Variants in PSPH observed in about 807,000 individuals in gnomAD.
The protein encoded by PSPH is L-3-phosphoserine phosphatase.
PSPH carries 16 observed loss-of-function variants against 23.4 expected under a neutral mutation model. The ratio of observed to expected loss-of-function variants is 0.68; its 90% CI spans 0.46 to 1.04. The LOEUF (loss-of-function observed/expected upper bound fraction) is 1.04, where lower values mean the gene tolerates loss of function less well. Ranked by LOEUF, PSPH falls within the 50% of genes least tolerant of loss-of-function variation. The probability of loss-of-function intolerance (pLI) is 0.00; values close to 1 mark genes in which losing one functional copy is unlikely to be tolerated. For synonymous variants in PSPH, 68 were observed against 99.7 expected, an observed-to-expected ratio of 0.68 and a Z score of 1.89; for missense variants, 223 against 273.7, an observed-to-expected ratio of 0.81 and a Z score of 1.31.
intron 1 of PSPH, among the ~76,000 whole-genome samples, chr7:56,048,452 T>C (rs1236900153): frequency 6.6e-6 from 1 of 152,154 alleles, no homozygotes; most frequent in African/African-American, 2.4e-5. Context: ...ATGTGAAATG[T>C]AATTTTGGAT....
chr7:56,018,388 G>A (rs60566397), intron 5 of PSPH, among the ~76,000 whole-genome samples: 44,638 of 151,782 alleles, frequency 0.29, 6,604 homozygotes, highest in East Asian at 0.43. Context: ...GGGTTTGTCT[G>A]CTTTAGGAAA....
intron 1 of PSPH, among the ~76,000 whole-genome samples, chr7:56,041,115 A>G (rs1792471045): frequency 6.6e-6 from 1 of 152,028 alleles, no homozygotes; most frequent in Admixed American, 6.6e-5. Flanking sequence ...TGTAATCCAA[A>G]CACTTTGGGA....
At chr7:56,042,070 A>G (rs1388238378) in intron 1 of PSPH, among the ~76,000 whole-genome samples, 3 of 152,018 alleles carry the variant, frequency 2.0e-5, no homozygotes, top group African/African-American at 4.8e-5. Flanking sequence ...TAAAACTACA[A>G]AAATTACCAG....
intron 3 of PSPH, among the ~76,000 whole-genome samples, chr7:56,022,720 A>G (rs977411936): frequency 2.0e-5 from 3 of 152,174 alleles, no homozygotes; most frequent in African/African-American, 4.8e-5. Flanking sequence ...AACATACACA[A>G]TGTCGCCAAT....
At chr7:56,048,731 T>C (rs1392273270) in intron 1 of PSPH, among the ~76,000 whole-genome samples, 1 of 151,734 alleles carries the variant, frequency 6.6e-6, no homozygotes, top group Non-Finnish European at 1.5e-5. Context: ...GCCTCCTGGG[T>C]TCAAGCAATT....
chr7:56,039,458 A>G (rs141310791), intron 1 of PSPH, among the ~76,000 whole-genome samples: 1 of 152,172 alleles, frequency 6.6e-6, no homozygotes, highest in Non-Finnish European at 1.5e-5. Context: ...AACAATTGTA[A>G]TATTTCTTAT....
chr7:56,044,578 A>C (rs1022460998), intron 1 of PSPH, among the ~76,000 whole-genome samples: 4 of 152,216 alleles, frequency 2.6e-5, no homozygotes, highest in African/African-American at 9.6e-5. Context: ...AATAATATTA[A>C]GAAAAACAAT....
At chr7:56,043,867 T>C (rs1377577000) in intron 1 of PSPH, among the ~76,000 whole-genome samples, 2 of 152,286 alleles carry the variant, frequency 1.3e-5, no homozygotes, top group African/African-American at 4.8e-5. Flanking sequence ...AGCGATTTTT[T>C]TGTTTTAAAA....
chr7:56,019,738 G>A lies in PSPH; in HGVS notation c.141-4C>T, dbSNP rs1216432787. Reference sequence around the variant, plus strand: ...CCCGCCCATGGCTCGCCGTGTCCTAGGAGGGAGACCCAACAGTCAGGCCAG... The same window carrying A: ...CCCGCCCATGGCTCGCCGTGTCCTAAGAGGGAGACCCAACAGTCAGGCCAG... On this transcript the variant is annotated splice_polypyrimidine_tract_variant and splice_region_variant and intron_variant, in intron 4 of 7. Coordinates refer to ENST00000275605, the MANE Select transcript of PSPH (RefSeq NM_004577.4). 6.2e-7 allele frequency: 1 copy of A among 1,612,784 alleles called. No individual in the cohort carries two copies. Among genetic ancestry groups the A allele is most frequent in the Non-Finnish European group, 8.5e-7 (1 of 1,179,818 alleles).
At chr7:56,050,283 T>C (rs1457079676) in intron 1 of PSPH, among the ~76,000 whole-genome samples, 2 of 152,036 alleles carry the variant, frequency 1.3e-5, no homozygotes, top group East Asian at 3.9e-4. Flanking sequence ...GTCATTCTTT[T>C]TGAGAAAGGG....
chr7:56,051,433 G>T lies in PSPH; in HGVS notation c.-587C>A, dbSNP rs1794027226. The T allele has an allele frequency of 4.2e-6, 1 of 235,362 alleles. No homozygotes were observed. The highest frequency in any genetic ancestry group is 2.4e-5 in the African/African-American group (1 of 42,058). 14.6% of individuals were successfully genotyped at this position (235,362 alleles called of 1,614,324 possible). On this transcript the variant is annotated 5_prime_UTR_variant, in exon 1 of 8. Transcript: ENST00000275605. Reference sequence around the variant, plus strand: ...AGGGCACCGTCGAGCACACGGTCCGGGAAGCTCCAATGAAACGGAACAAAC... The same window carrying T: ...AGGGCACCGTCGAGCACACGGTCCGTGAAGCTCCAATGAAACGGAACAAAC...
chr7:56,024,207 G>A (rs1468597624), intron 3 of PSPH, among the ~76,000 whole-genome samples: 3 of 151,540 alleles, frequency 2.0e-5, no homozygotes, highest in Non-Finnish European at 4.4e-5. Flanking sequence ...GAGCCACCGC[G>A]CCCGGCCTAC....
intron 2 of PSPH, among the ~76,000 whole-genome samples, chr7:56,032,488 T>A (rs934416471): frequency 6.6e-6 from 1 of 150,402 alleles, no homozygotes; most frequent in African/African-American, 2.5e-5. Context: ...AAACCACGTC[T>A]CTACCAAAAA....
At chr7:56,036,660 T>C (rs1027183410) in intron 1 of PSPH, among the ~76,000 whole-genome samples, 8 of 152,124 alleles carry the variant, frequency 5.3e-5, no homozygotes, top group African/African-American at 1.9e-4. Flanking sequence ...AATTAAAATC[T>C]GCCACCTCTT....
chr7:56,038,645 G>A (rs185413355), intron 1 of PSPH, among the ~76,000 whole-genome samples: 2 of 151,798 alleles, frequency 1.3e-5, no homozygotes, highest in African/African-American at 4.8e-5. Flanking sequence ...GACCACCCTG[G>A]GCAACATACT....
At position 56,011,475 on chromosome 7, in the gene PSPH, G is replaced by A. The variant is rs1398561150; in HGVS notation, c.*287C>T. ...ACCTGGGAGGCAGAGCTTGCAGTGA[G>A]CCGAGACCGCGCCACTGCACTCCAG... On this transcript the variant is annotated 3_prime_UTR_variant, in exon 8 of 8. Coordinates refer to ENST00000275605, the MANE Select transcript of PSPH (RefSeq NM_004577.4). 3 of 220,442 alleles carry A rather than the reference G, an allele frequency of 1.4e-5. No individual in the cohort carries two copies. Among genetic ancestry groups the A allele is most frequent in the Non-Finnish European group, 2.7e-5 (3 of 110,736 alleles). The allele number at this position is 220,442 out of a possible 1,614,324, so 13.7% of individuals were successfully genotyped here. A position where few individuals can be genotyped will look rare whatever the true frequency, so the allele number is the denominator to read the frequency against.
intron 3 of PSPH, among the ~76,000 whole-genome samples, chr7:56,030,352 T>A (rs911058305): frequency 2.8e-4 from 42 of 151,744 alleles, no homozygotes; most frequent in African/African-American, 9.7e-4. Context: ...TCAGGAGTTC[T>A]GCTCACCTCG....
intron 6 of PSPH, 54 bp from the exon 7 acceptor site, chr7:56,015,225 G>A (rs1788416825): frequency 6.3e-7 from 1 of 1,590,282 alleles, no homozygotes; most frequent in African/African-American, 1.3e-5. Flanking sequence ...TCTGACCAAT[G>A]CCAGCTTTCT....
chr7:56,038,950 C>CCTGA (rs1220604162), intron 1 of PSPH, among the ~76,000 whole-genome samples: 1 of 151,948 alleles, frequency 6.6e-6, no homozygotes, highest in African/African-American at 2.4e-5. Context: ...TCAAGACCAG[C>CCTGA]CTGACCAACA....
Sources: gnomAD v4.1 joint callset for allele counts (sites outside exome capture counted in the v4.1 genomes callset) on GRCh38, gnomAD v4.1.1 for gene constraint, MANE v1.5 for transcripts, NCBI Gene and HGNC (gene_info 2026-07-23, HGNC 2026-07-21) for gene names.